Variants in CFAP54 observed in about 807,000 individuals in gnomAD.
CFAP54 encodes cilia- and flagella-associated protein 54.
CFAP54 carries 290 observed loss-of-function variants against 370.4 expected under a neutral mutation model. That is an observed-to-expected ratio of 0.78 (90% CI 0.71 to 0.86). CFAP54 has a LOEUF of 0.86. CFAP54 is among the 40% of genes least tolerant of loss of function. The pLI, the probability that CFAP54 is intolerant of heterozygous loss-of-function variation, is 0.00. For synonymous variants in CFAP54, 1,206 were observed against 1,236.5 expected (o/e 0.98, Z 0.52); for missense variants, 3,399 against 3,528.7 (o/e 0.96, Z 0.93).
chr12:96,618,418 G>T (rs75574363), intron 26 of CFAP54, among the ~76,000 whole-genome samples: 1,564 of 152,328 alleles, frequency 0.01, 11 homozygotes, highest in Non-Finnish European at 0.016. Flanking sequence ...TGTGGGAGGG[G>T]TTAGTCTGGA....
rs1234614815 is a variant in CFAP54 at position 96,592,514 on chromosome 12, G to T, written c.3237G>T (p.Glu1079Asp). 1.3e-6 allele frequency: 1 copy of T among 764,258 alleles called. No individual in the cohort carries two copies. The highest frequency in any genetic ancestry group is 3.2e-5 in the Admixed American group (1 of 31,320). 47.3% of individuals were successfully genotyped at this position (764,258 alleles called of 1,614,324 possible). ...QRRLHSDILA[E>D]TSSILLYLFL... Reference sequence around the variant, plus strand: ...GATTACATTCAGATATTTTGGCAGAGACTTCTTCAATCCTCTTGTACCTTT... The same window carrying T: ...GATTACATTCAGATATTTTGGCAGATACTTCTTCAATCCTCTTGTACCTTT... Residue 1079 changes from glutamate to aspartate, a missense_variant, in exon 24 of 68, where the codon GAG becomes GAT. Around this residue, in one of 3 missense-constraint regions of CFAP54, gnomAD observed 2,796 missense variants for 2,869.7 expected, o/e 0.97. Coordinates refer to ENST00000524981, the MANE Select transcript of CFAP54 (RefSeq NM_001306084.2).
At chr12:96,746,856 C>T (rs1565963275) in intron 55 of CFAP54, among the ~76,000 whole-genome samples, 1 of 152,178 alleles carries the variant, frequency 6.6e-6, no homozygotes, top group South Asian at 2.1e-4. Context: ...CCCCACTACT[C>T]ACTGGCTCCC....
chr12:96,698,233 A>G (rs1307718925), intron 45 of CFAP54, among the ~76,000 whole-genome samples: 3 of 151,598 alleles, frequency 2.0e-5, no homozygotes, highest in Admixed American at 6.6e-5. Flanking sequence ...TTAAGTAAGA[A>G]CTCCTTTTTC....
At chr12:96,519,816 A>G (rs1955283022) in intron 6 of CFAP54, among the ~76,000 whole-genome samples, 1 of 152,194 alleles carries the variant, frequency 6.6e-6, no homozygotes, top group Non-Finnish European at 1.5e-5. Context: ...GTAATTTTGA[A>G]ATATGCAATA....
intron 65 of CFAP54, among the ~76,000 whole-genome samples, chr12:96,826,040 T>C (rs1017831443): frequency 1.4e-5 from 2 of 144,728 alleles, no homozygotes; most frequent in Non-Finnish European, 3.0e-5. Flanking sequence ...ATTAATATAT[T>C]ATATATATTT....
chr12:96,533,657 G>A (rs1269399046), intron 9 of CFAP54, 135 bp from the exon 10 acceptor site: 1 of 689,396 alleles, frequency 1.5e-6, no homozygotes, highest in Non-Finnish European at 2.2e-6. Flanking sequence ...AAGATTTCTT[G>A]TTTCCCCCAC....
chr12:96,756,742 T>C (rs1257300678), intron 57 of CFAP54, among the ~76,000 whole-genome samples, 179 bp downstream of exon 57: 2 of 152,148 alleles, frequency 1.3e-5, no homozygotes, highest in Admixed American at 6.5e-5. Flanking sequence ...TTTAAAGTAA[T>C]GGTAAATGAT....
chr12:96,758,309 G>A (rs1203595784), intron 58 of CFAP54, among the ~76,000 whole-genome samples: 1 of 152,132 alleles, frequency 6.6e-6, no homozygotes, highest in Non-Finnish European at 1.5e-5. Flanking sequence ...GAGATTTAAC[G>A]GACTCATAGT....
intron 64 of CFAP54, among the ~76,000 whole-genome samples, chr12:96,814,152 G>T (rs189531621): frequency 6.6e-6 from 1 of 152,110 alleles, no homozygotes; most frequent in Admixed American, 6.5e-5. Flanking sequence ...GTCAAAGAAC[G>T]GTTTATCCTT....
At chr12:96,656,774 A>G (rs994325349) in intron 36 of CFAP54, among the ~76,000 whole-genome samples, 5 of 152,272 alleles carry the variant, frequency 3.3e-5, no homozygotes, top group African/African-American at 9.6e-5. Flanking sequence ...CATAGGCATG[A>G]CTAACTGATA....
chr12:96,779,204 G>A (rs1958557386), intron 60 of CFAP54, among the ~76,000 whole-genome samples: 1 of 150,956 alleles, frequency 6.6e-6, no homozygotes, highest in African/African-American at 2.4e-5. Context: ...TCAAGAAATA[G>A]AATAAGACCA....
chr12:96,671,029 G>A (rs1957139552), intron 39 of CFAP54, among the ~76,000 whole-genome samples: 1 of 152,104 alleles, frequency 6.6e-6, no homozygotes, highest in Non-Finnish European at 1.5e-5. Context: ...CTGGAGTGTA[G>A]TAGTGCTATC....
chr12:96,605,115 A>G (rs1244670809), intron 26 of CFAP54, among the ~76,000 whole-genome samples: 2 of 151,536 alleles, frequency 1.3e-5, no homozygotes, highest in African/African-American at 4.8e-5. Flanking sequence ...CTTGGAAGCG[A>G]CTGCATTTGT....
At chr12:96,511,896 A>C (rs893112449) in intron 4 of CFAP54, among the ~76,000 whole-genome samples, 4 of 152,236 alleles carry the variant, frequency 2.6e-5, no homozygotes, top group Non-Finnish European at 4.4e-5. Context: ...TTACAATTAC[A>C]TGCCTTTTTA....
At chr12:96,621,468 TA>T in intron 26 of CFAP54, 121 bp from the exon 27 acceptor site, 1 of 627,384 alleles carries the variant, frequency 1.6e-6, no homozygotes, top group Non-Finnish European at 2.3e-6. Context: ...TTTTTTAAAA[TA>T]AAAGGGGGAT....
chr12:96,574,821 G>A (rs1955959038), intron 19 of CFAP54, among the ~76,000 whole-genome samples: 1 of 151,972 alleles, frequency 6.6e-6, no homozygotes, highest in Non-Finnish European at 1.5e-5. Context: ...TGAAATGACT[G>A]GTCTGTGTTT....
rs570261350 is a variant in CFAP54, at chr12:96,489,746, T to C, written c.137T>C (p.Leu46Pro). The stretch of plus-strand genomic sequence containing the variant: ...TCGAAGGGGAGCTCCCGGAGCTCGC[T>C]GCTTCAGTGGACCTGCCCCGAGGAC... ...PESKGSSRSS[L>P]LQWTCPEDSL... Residue 46 changes from leucine (L) to proline (P), a missense_variant, in exon 1 of 68, where the codon CTG becomes CCG. By Grantham distance (98) the Leu-to-Pro change is moderately conservative. This residue lies in a region of CFAP54 where 559 missense variants were observed against 576.7 expected (regional missense o/e 0.97). Coordinates refer to ENST00000524981, the MANE Select transcript of CFAP54 (RefSeq NM_001306084.2). The C allele has an allele frequency of 2.0e-6, 3 of 1,536,120 alleles. No homozygotes were observed. Among genetic ancestry groups the C allele is most frequent in the Admixed American group, 2.0e-5 (1 of 51,000 alleles).
chr12:96,605,676 A>G (rs1278715719), intron 26 of CFAP54, among the ~76,000 whole-genome samples: 2 of 152,240 alleles, frequency 1.3e-5, no homozygotes, highest in Non-Finnish European at 2.9e-5. Context: ...CTCTTGACAT[A>G]TGCATGAAGA....
chr12:96,756,621 G>T lies in CFAP54; in HGVS notation c.7946+58G>T, dbSNP rs1284155241. The T allele has an allele frequency of 3.5e-6, 4 of 1,148,978 alleles. No individual in the cohort carries two copies. The East Asian group carries it at 7.2e-5, about 21-fold the overall frequency. 71.2% of individuals were successfully genotyped at this position (1,148,978 alleles called of 1,614,324 possible). A position where few individuals can be genotyped will look rare whatever the true frequency, so the allele number is the denominator to read the frequency against. ...TGTTTGGCTTGAGCCCCGTGTTCTT[G>T]TAGTACATTGACCACTCAAGGCTGG... is the stretch of plus-strand genomic sequence containing the variant. On this transcript the variant is annotated intron_variant, in intron 57 of 67. Coordinates refer to ENST00000524981, the MANE Select transcript of CFAP54 (RefSeq NM_001306084.2).
Sources: gnomAD v4.1 joint callset for allele counts (sites outside exome capture counted in the v4.1 genomes callset) on GRCh38, gnomAD v4.1.1 for gene constraint, gnomAD v4.1.1 regional missense constraint, MANE v1.5 for transcripts, NCBI Gene and HGNC (gene_info 2026-07-23, HGNC 2026-07-21) for gene names.